Variants in RPP30 observed in about 807,000 individuals in gnomAD.
The protein encoded by RPP30 is ribonuclease P protein subunit p30.
Under a neutral mutation model 38.6 loss-of-function variants are expected in RPP30, and 36 were observed. That is an observed-to-expected ratio of 0.93 (90% CI 0.71 to 1.23). The LOEUF is 1.23. Among genes scored for constraint, RPP30 ranks in the 50% most tolerant of loss-of-function variants. RPP30 has a pLI of 0.00. For synonymous variants in RPP30, 126 were observed against 112.7 expected (o/e 1.12, Z -0.75); for missense variants, 321 against 321.7 (o/e 1.00, Z 0.02).
intron 5 of RPP30, among the ~76,000 whole-genome samples, chr10:90,880,933 A>T (rs1180915951): frequency 6.6e-6 from 1 of 152,194 alleles, no homozygotes; most frequent in African/African-American, 2.4e-5. Flanking sequence ...AGAAAGTATA[A>T]TTCAGTGCCA....
chr10:90,889,143 G>T (rs906310024), intron 6 of RPP30, among the ~76,000 whole-genome samples: 1 of 152,138 alleles, frequency 6.6e-6, no homozygotes, highest in African/African-American at 2.4e-5. Context: ...ATAATATCCA[G>T]TCTGGCTGTG....
chr10:90,879,291 CT>C (rs2120190300), intron 5 of RPP30, among the ~76,000 whole-genome samples, 157 bp downstream of exon 5: 1 of 152,256 alleles, frequency 6.6e-6, no homozygotes, highest in East Asian at 1.9e-4. Flanking sequence ...GTATATATAA[CT>C]GGTATTTGTG....
intron 6 of RPP30, among the ~76,000 whole-genome samples, chr10:90,886,722 GAA>G (rs1435542378): frequency 1.3e-5 from 2 of 151,658 alleles, no homozygotes. Flanking sequence ...TATCCAAGGA[GAA>G]AAAAAAGAGT....
At chr10:90,879,631 A>G (rs1164198045) in intron 5 of RPP30, among the ~76,000 whole-genome samples, 1 of 152,208 alleles carries the variant, frequency 6.6e-6, no homozygotes, top group Admixed American at 6.5e-5. Flanking sequence ...AATTCTTCAA[A>G]ATCAGCCATT....
intron 6 of RPP30, among the ~76,000 whole-genome samples, chr10:90,887,422 A>G (rs1050086033): frequency 4.7e-5 from 7 of 148,120 alleles, no homozygotes; most frequent in Non-Finnish European, 8.9e-5. Flanking sequence ...TCTTGCTGTC[A>G]CCCAGGCTGG....
chr10:90,894,229 A>C (rs888049338), intron 6 of RPP30, among the ~76,000 whole-genome samples: 6 of 152,064 alleles, frequency 3.9e-5, no homozygotes, highest in Non-Finnish European at 5.9e-5. Flanking sequence ...TATATATAAG[A>C]CTCTCTTAGC....
At chr10:90,885,019 C>G (rs1011764696) in intron 5 of RPP30, among the ~76,000 whole-genome samples, 3 of 152,208 alleles carry the variant, frequency 2.0e-5, no homozygotes, top group Non-Finnish European at 2.9e-5. Flanking sequence ...GGCTTGCCCT[C>G]TACACTAGTA....
At chr10:90,889,311 T>TTTC (rs1206093496) in intron 6 of RPP30, among the ~76,000 whole-genome samples, 6 of 144,564 alleles carry the variant, frequency 4.2e-5, no homozygotes, top group African/African-American at 1.6e-4. Context: ...TTACTTTTTT[T>TTTC]TTTTTTTTTT....
rs1305476162 is a variant in RPP30 at position 90,900,596 on chromosome 10, A to G, written c.724A>G (p.Ile242Val). The change falls in exon 11 of 11, where the codon ATC (isoleucine) becomes GTC (valine). Residue 242 changes from isoleucine to valine, a missense_variant. Ile to Val is a conservative substitution (Grantham distance 29). Coordinates refer to ENST00000371703, the MANE Select transcript of RPP30 (RefSeq NM_006413.5). The part of the protein sequence containing the change: ...GETRKTAFGI[I>V]STVKKPRPSE... ...AACTAGAAAAACTGCTTTTGGAATT[A>G]TCTCTACAGTGAAGAAACCTCGGCC... 2 of 1,612,606 alleles carry G rather than the reference A, an allele frequency of 1.2e-6. No individual in the cohort carries two copies. The highest frequency in any genetic ancestry group is 1.1e-5 in the South Asian group (1 of 90,452).
In RPP30 at chr10:90,901,594, T is replaced by A. The variant is rs187079578; in HGVS notation, c.*915T>A. ...AAAACGCTAATATTGATTTTCCTGA[T>A]AGCTGTATTAAAAATAGCAAAGCAT... On this transcript the variant is annotated 3_prime_UTR_variant, in exon 11 of 11. Transcript: ENST00000371703. 20 of 985,110 alleles carry A rather than the reference T, an allele frequency of 2.0e-5. No homozygotes were observed. In the African/African-American group the frequency reaches 3.1e-4, roughly 15 times the overall value. 61.0% of individuals were successfully genotyped at this position (985,110 alleles called of 1,614,324 possible). A position where few individuals can be genotyped will look rare whatever the true frequency, so the allele number is the denominator to read the frequency against.
chr10:90,882,562 C>T (rs922229694), intron 5 of RPP30, among the ~76,000 whole-genome samples: 1 of 152,140 alleles, frequency 6.6e-6, no homozygotes, highest in Non-Finnish European at 1.5e-5. Flanking sequence ...ACTCAGGAGG[C>T]TGAGGCAGGA....
At chr10:90,903,291 A>T, downstream of RPP30, 1 of 1,555,472 alleles carries the variant, frequency 6.4e-7, no homozygotes. Context: ...GTACCCAAGT[A>T]TACATTTATC....
chr10:90,882,290 T>C (rs571835058), intron 5 of RPP30, among the ~76,000 whole-genome samples: 1 of 152,350 alleles, frequency 6.6e-6, no homozygotes, highest in South Asian at 2.1e-4. Context: ...CAAATATATA[T>C]ATGTTTCTTA....
At chr10:90,907,120 G>T (rs563368877), downstream of RPP30, among the ~76,000 whole-genome samples, 1 of 152,096 alleles carries the variant, frequency 6.6e-6, no homozygotes, top group South Asian at 2.1e-4. Context: ...CTTCTCTCGT[G>T]TACCCTCCCA....
chr10:90,896,379 G>A lies in RPP30; in HGVS notation c.684G>A (p.Ala228=), dbSNP rs972664063. Residue 228 remains alanine, a synonymous_variant, in exon 10 of 11, where the codon GCG becomes GCA. Coordinates refer to ENST00000371703, the MANE Select transcript of RPP30 (RefSeq NM_006413.5). ...CGGTGTCCACCAACTGCCGAGCAGC[G>A]CTTCTCCATGGAGGTAAGCAAGTTC... ...KAAVSTNCRA[A]LLHGETRKTA... 6.8e-6 allele frequency: 11 copies of A among 1,613,760 alleles called. No individual in the cohort carries two copies. The South Asian group carries it at 7.7e-5, about 11-fold the overall frequency.
Position 90,901,321 on chromosome 10 carries a change from C to G in RPP30, c.*642C>G. The G allele has an allele frequency of 1.0e-6, 1 of 984,864 alleles. No homozygotes were observed. Among genetic ancestry groups the G allele is most frequent in the Non-Finnish European group, 1.2e-6 (1 of 829,552 alleles). 61.0% of individuals were successfully genotyped at this position (984,864 alleles called of 1,614,324 possible). A position where few individuals can be genotyped will look rare whatever the true frequency, so the allele number is the denominator to read the frequency against. On this transcript the variant is annotated 3_prime_UTR_variant, in exon 11 of 11. Coordinates refer to ENST00000371703, the MANE Select transcript of RPP30 (RefSeq NM_006413.5). ...TTTTAAGAGCTTCTTTCGAAAGTTTCTTGTTCATACTCAAATAGTAGTTAT... is the reference window on the plus strand; with the variant it reads ...TTTTAAGAGCTTCTTTCGAAAGTTTGTTGTTCATACTCAAATAGTAGTTAT...
At position 90,901,257 on chromosome 10, in the gene RPP30, G is replaced by T. The variant is rs777048907; in HGVS notation, c.*578G>T. 1.7e-5 allele frequency: 17 copies of T among 979,510 alleles called. No individual in the cohort carries two copies. In the Admixed American group the frequency reaches 3.7e-4, roughly 21 times the overall value. 60.7% of individuals were successfully genotyped at this position (979,510 alleles called of 1,614,324 possible). On this transcript the variant is annotated 3_prime_UTR_variant, in exon 11 of 11. Transcript: ENST00000371703. Reference sequence around the variant, plus strand: ...CCGCTTTGGCCTCCTAAAGTGCTGGGATTACATGAGCCACCACATGCAGCC... The same window carrying T: ...CCGCTTTGGCCTCCTAAAGTGCTGGTATTACATGAGCCACCACATGCAGCC...
chr10:90,888,132 T>G (rs765803550), intron 6 of RPP30, among the ~76,000 whole-genome samples: 9 of 152,140 alleles, frequency 5.9e-5, no homozygotes, highest in Non-Finnish European at 1.0e-4. Context: ...ACCCCCAGAG[T>G]TGGGCACTAT....
At chr10:90,888,799 G>C (rs746070278) in intron 6 of RPP30, among the ~76,000 whole-genome samples, 1 of 152,054 alleles carries the variant, frequency 6.6e-6, no homozygotes, top group Non-Finnish European at 1.5e-5. Flanking sequence ...TTCAATTTAA[G>C]AATTCTGAAA....
Sources: gnomAD v4.1 joint callset for allele counts (sites outside exome capture counted in the v4.1 genomes callset) on GRCh38, gnomAD v4.1.1 for gene constraint, MANE v1.5 for transcripts, NCBI Gene and HGNC (gene_info 2026-07-23, HGNC 2026-07-21) for gene names.